Variants in NEBL observed in about 807,000 individuals in gnomAD.
NEBL encodes LIM and SH3 protein 2.
NEBL carries 122 observed loss-of-function variants against 140.2 expected under a neutral mutation model. The observed-to-expected ratio is 0.87, with a 90% confidence interval of 0.75 to 1.01. NEBL has a LOEUF of 1.01. Among genes scored for constraint, NEBL ranks in the 50% least tolerant of loss-of-function variants. NEBL has a pLI of 0.00. For synonymous variants in NEBL, 436 were observed against 398.9 expected (o/e 1.09, Z -1.11); for missense variants, 1,365 against 1,231.3 (o/e 1.11, Z -1.62).
chr10:20,819,688 T>C (rs1803103794), intron 19 of NEBL, among the ~76,000 whole-genome samples, 172 bp from the exon 20 acceptor site: 2 of 152,190 alleles, frequency 1.3e-5, no homozygotes, highest in Admixed American at 1.3e-4. Context: ...TTCTTGGCGA[T>C]GCCAGTCTTT....
chr10:20,891,926 G>T (rs982514014), intron 2 of NEBL, among the ~76,000 whole-genome samples: 1 of 152,072 alleles, frequency 6.6e-6, no homozygotes, highest in Admixed American at 6.6e-5. Context: ...CATATTAGTA[G>T]CCTTCCTACA....
chr10:20,924,961 A>G (rs968776482), intron 4 of NEBL, among the ~76,000 whole-genome samples: 6 of 151,202 alleles, frequency 4.0e-5, no homozygotes, highest in Non-Finnish European at 8.8e-5. Flanking sequence ...CCATCTGCAG[A>G]CCCCCAACCC....
chr10:21,040,527 T>C (rs1271874735), intron 2 of NEBL, among the ~76,000 whole-genome samples: 3 of 152,078 alleles, frequency 2.0e-5, no homozygotes, highest in African/African-American at 7.2e-5. Context: ...GCCAGACTCC[T>C]TTAAACAGCC....
chr10:21,183,153 C>T (rs1481563531), intron 3 of NEBL, among the ~76,000 whole-genome samples: 10 of 152,150 alleles, frequency 6.6e-5, no homozygotes, highest in Non-Finnish European at 1.5e-5. Context: ...ACATGAAAAC[C>T]GCTGATACAC....
rs78837118 is a variant in NEBL at position 21,000,687 on chromosome 10, G to C, written c.249+19430C>G. Among the ~76,000 whole-genome samples, 1,045 of 152,234 alleles carry C rather than the reference G, an allele frequency of 6.9e-3. 15 individuals are homozygous for C. The highest frequency in any genetic ancestry group is 0.024 in the African/African-American group (983 of 41,542). ...AAATACTTACTGCAAACAGAAATAA[G>C]GCTCCCAAAACGAGAAAGCAACACC... On this transcript the variant is annotated intron_variant, in intron 3 of 6. Coordinates refer to the NEBL transcript ENST00000417816.
At chr10:21,276,896 G>A (rs1039851509) in intron 1 of NEBL, among the ~76,000 whole-genome samples, 7 of 152,118 alleles carry the variant, frequency 4.6e-5, no homozygotes, top group African/African-American at 1.7e-4. Flanking sequence ...GTGAACCTGA[G>A]AGGCGGAGGT....
chr10:21,231,766 G>A (rs546379200), intron 3 of NEBL, among the ~76,000 whole-genome samples: 23 of 152,250 alleles, frequency 1.5e-4, no homozygotes, highest in African/African-American at 5.1e-4. Flanking sequence ...GGCATCAGCA[G>A]GAGGAGGTAG....
At chr10:21,018,003 G>A (rs1325994181) in intron 3 of NEBL, among the ~76,000 whole-genome samples, 2 of 151,858 alleles carry the variant, frequency 1.3e-5, no homozygotes, top group Non-Finnish European at 1.5e-5. Context: ...GTATTTTTTT[G>A]TAGGGATGAG....
At chr10:20,937,604 G>C (rs1024104391) in intron 4 of NEBL, among the ~76,000 whole-genome samples, 1 of 152,140 alleles carries the variant, frequency 6.6e-6, no homozygotes, top group Non-Finnish European at 1.5e-5. Flanking sequence ...AGGACAGTGG[G>C]TGCAGTGCAC....
chr10:21,183,820 A>G (rs1841423064), intron 3 of NEBL, among the ~76,000 whole-genome samples: 1 of 152,164 alleles, frequency 6.6e-6, no homozygotes, highest in Admixed American at 6.5e-5. Context: ...TGTTGTGGGA[A>G]GGACCCAGTG....
At chr10:20,943,897 C>T (rs1187010414) in intron 4 of NEBL, among the ~76,000 whole-genome samples, 2 of 152,164 alleles carry the variant, frequency 1.3e-5, no homozygotes, top group East Asian at 3.8e-4. Flanking sequence ...ACAACAGGGA[C>T]CCAGGGCCAT....
At position 21,013,810 on chromosome 10, in the gene NEBL, G is replaced by A. The variant is rs1010827898; in HGVS notation, c.249+6307C>T. 8.5e-5 allele frequency among the ~76,000 whole-genome samples: 13 copies of A among 152,232 alleles called. No individual in the cohort carries two copies. The East Asian group carries it at 1.2e-3, about 14-fold the overall frequency. On this transcript the variant is annotated intron_variant, in intron 3 of 6. Transcript: ENST00000417816. ...GGAGAATCGCTGGAACCTGGGAGGC[G>A]GAGATTGCAGTGAACTGAGATCGTG... is the stretch of plus-strand genomic sequence containing the variant.
chr10:20,890,371 C>A (rs1454832329), intron 2 of NEBL, among the ~76,000 whole-genome samples: 11 of 152,162 alleles, frequency 7.2e-5, no homozygotes, highest in Admixed American at 7.2e-4. Flanking sequence ...AAGTAGTCAG[C>A]ATGACAGATG....
At chr10:21,074,000 G>A (rs894667313) in intron 2 of NEBL, among the ~76,000 whole-genome samples, 2 of 152,034 alleles carry the variant, frequency 1.3e-5, no homozygotes, top group African/African-American at 2.4e-5. Flanking sequence ...GCGTGAATCC[G>A]GGAGGTGGAG....
chr10:20,828,483 A>G (rs1840095705), intron 17 of NEBL, 47 bp downstream of exon 17: 1 of 1,310,016 alleles, frequency 7.6e-7, no homozygotes, highest in African/African-American at 1.5e-5. Flanking sequence ...ATTTCTTACA[A>G]AACAAAATTT....
At chr10:21,006,130 G>C (rs529171120) in intron 3 of NEBL, among the ~76,000 whole-genome samples, 1 of 152,080 alleles carries the variant, frequency 6.6e-6, no homozygotes, top group African/African-American at 2.4e-5. Flanking sequence ...TCCTTTAAAT[G>C]ATCGCATCAT....
chr10:20,986,033 G>A (rs1239158734), intron 3 of NEBL, among the ~76,000 whole-genome samples: 1 of 152,160 alleles, frequency 6.6e-6, no homozygotes. Context: ...GAGAATGGAC[G>A]CTGCTCTACA....
intron 2 of NEBL, among the ~76,000 whole-genome samples, chr10:21,062,052 T>C (rs1284787466): frequency 6.6e-6 from 1 of 152,220 alleles, no homozygotes; most frequent in African/African-American, 2.4e-5. Context: ...AACTAGAATA[T>C]CTAAGCAGTC....
chr10:21,050,960 CT>C (rs746136563), intron 2 of NEBL, among the ~76,000 whole-genome samples: 5 of 152,166 alleles, frequency 3.3e-5, no homozygotes, highest in Non-Finnish European at 7.4e-5. Context: ...TGCCTATTGA[CT>C]TTGCACCTAG....
Sources: gnomAD v4.1 joint callset for allele counts (sites outside exome capture counted in the v4.1 genomes callset) on GRCh38, gnomAD v4.1.1 for gene constraint, MANE v1.5 for transcripts, NCBI Gene and HGNC (gene_info 2026-07-23, HGNC 2026-07-21) for gene names.